MED24: variants seen among roughly 807,000 people sequenced by gnomAD.
The protein encoded by MED24 is mediator of RNA polymerase II transcription subunit 24.
MED24 carries 74 observed loss-of-function variants against 118.8 expected under a neutral mutation model. That is an observed-to-expected ratio of 0.62 (90% CI 0.52 to 0.76). The LOEUF is 0.76. Ranked by LOEUF, MED24 falls within the 30% of genes least tolerant of loss-of-function variation. The probability of loss-of-function intolerance (pLI) is 0.00; values close to 1 mark genes in which losing one functional copy is unlikely to be tolerated. For synonymous variants in MED24, 521 were observed against 523.9 expected, an observed-to-expected ratio of 0.99 and a Z score of 0.08; for missense variants, 1,041 against 1,278.9, an observed-to-expected ratio of 0.81 and a Z score of 2.84.
chr17:40,048,525 G>A (rs1222943268), intron 3 of MED24, among the ~76,000 whole-genome samples: 1 of 152,024 alleles, frequency 6.6e-6, no homozygotes, highest in Non-Finnish European at 1.5e-5. Context: ...ATCTATTCAA[G>A]GTGCAACAAA....
chr17:40,042,362 A>G (rs1203457911), intron 3 of MED24, among the ~76,000 whole-genome samples: 1 of 152,172 alleles, frequency 6.6e-6, no homozygotes. Flanking sequence ...ATAAAGCTCT[A>G]ATAAAGTTCT....
Position 40,031,485 on chromosome 17 carries a change from G to C in MED24, c.1067+53C>G, listed in dbSNP as rs909428080. 4.8e-5 allele frequency: 73 copies of C among 1,526,252 alleles called. No individual in the cohort carries two copies. In the East Asian group the frequency reaches 1.6e-3, roughly 32 times the overall value. The allele number at this position is 1,526,252 out of a possible 1,614,324, so 94.5% of individuals were successfully genotyped here. On this transcript the variant is annotated intron_variant, in intron 11 of 25. Transcript: ENST00000394128. ...GGCTTCTCTGGCACAGAGATCAGGG[G>C]AAGAGCCCAGAACGCCTTCCAGTAG...
chr17:40,024,115 C>T (rs562749054), intron 19 of MED24, among the ~76,000 whole-genome samples: 15 of 151,700 alleles, frequency 9.9e-5, no homozygotes, highest in African/African-American at 2.7e-4. Flanking sequence ...CTTGGTAGGG[C>T]GGGGGGGAAG....
intron 9 of MED24, 139 bp from the exon 10 acceptor site, chr17:40,032,229 T>C: frequency 2.0e-6 from 2 of 1,019,948 alleles, no homozygotes; most frequent in Non-Finnish European, 2.9e-6. Context: ...GCACACTTAG[T>C]GCTAAATGAG....
chr17:40,051,110 T>TGG (rs1389467617), intron 3 of MED24, among the ~76,000 whole-genome samples: 2 of 124,592 alleles, frequency 1.6e-5, no homozygotes, highest in African/African-American at 6.1e-5. Flanking sequence ...CACTCCAGCC[T>TGG]GGGCAACAAG....
intron 3 of MED24, among the ~76,000 whole-genome samples, chr17:40,047,309 C>A (rs1337892213): frequency 6.6e-6 from 1 of 152,218 alleles, no homozygotes; most frequent in East Asian, 1.9e-4. Context: ...TCTGAGAGAA[C>A]AGAAATGCTC....
At position 40,033,515 on chromosome 17, in the gene MED24, G is replaced by A; in HGVS notation, c.560-59C>T. On this transcript the variant is annotated intron_variant, in intron 6 of 25. Coordinates refer to ENST00000394128, the MANE Select transcript of MED24 (RefSeq NM_014815.4). This position sits in a 1 kb window ranked among gnomAD's most constrained non-coding sequence, Gnocchi z 5.2. ...GGAAACAGGAGAGAAGGAGCACCTG[G>A]CCCTGAACTCCTCGATTTTGGCACT... 2 of 1,421,476 alleles carry A rather than the reference G, an allele frequency of 1.4e-6. No homozygotes were observed. The highest frequency in any genetic ancestry group is 2.0e-5 in the Admixed American group (1 of 50,804). 88.1% of individuals were successfully genotyped at this position (1,421,476 alleles called of 1,614,324 possible). A position where few individuals can be genotyped will look rare whatever the true frequency, so the allele number is the denominator to read the frequency against.
rs138979778 is a variant in MED24, at chr17:40,019,829, G to A, written c.2809C>T (p.Gln937Ter). 1.2e-6 allele frequency: 2 copies of A among 1,602,088 alleles called. No homozygotes were observed. The highest frequency in any genetic ancestry group is 1.7e-6 in the Non-Finnish European group (2 of 1,174,034). Reference sequence around the variant, plus strand: ...TGCAGGACGCTGCCACGGCCACCCTGCTCCAGGCAGTCCACACACTCCTCC... The same window carrying A: ...TGCAGGACGCTGCCACGGCCACCCTACTCCAGGCAGTCCACACACTCCTCC... ...FMEECVDCLEQGGRGSVLQFM... is the reference protein window; with the variant it reads ...FMEECVDCLE Residue 937 changes from glutamine to a stop codon, truncating the protein, a stop_gained, in exon 25 of 26, where the codon CAG becomes TAG. Coordinates refer to ENST00000394128, the MANE Select transcript of MED24 (RefSeq NM_014815.4). LOFTEE classifies it high-confidence loss of function.
rs4795422 is a variant in MED24 at position 40,027,601 on chromosome 17, C to T, written c.1448-136G>A. On this transcript the variant is annotated intron_variant, in intron 15 of 25. Coordinates refer to ENST00000394128, the MANE Select transcript of MED24 (RefSeq NM_014815.4). ...CTTCAAAGCTCTGAGGCTCAGAATCCTTTTCTTGAGTCTCAACTGGAACAT... is the reference window on the plus strand; with the variant it reads ...CTTCAAAGCTCTGAGGCTCAGAATCTTTTTCTTGAGTCTCAACTGGAACAT... 1.0e-3 allele frequency: 839 copies of T among 827,720 alleles called. 4 individuals are homozygous for T. In the Admixed American group the frequency reaches 0.017, roughly 17 times the overall value. 51.3% of individuals were successfully genotyped at this position (827,720 alleles called of 1,614,324 possible). A position where few individuals can be genotyped will look rare whatever the true frequency, so the allele number is the denominator to read the frequency against.
chr17:40,027,223 G>T, intron 16 of MED24, 160 bp downstream of exon 16: 1 of 1,084,048 alleles, frequency 9.2e-7, no homozygotes. Flanking sequence ...ACATAGGGCT[G>T]AAGGTGCCTC....
In MED24 at chr17:40,019,347, G is replaced by A. The variant is rs1453954200; in HGVS notation, c.*182C>T. The A allele has an allele frequency of 1.7e-6, 1 of 602,300 alleles. No homozygotes were observed. Among genetic ancestry groups the A allele is most frequent in the East Asian group, 2.9e-5 (1 of 34,174 alleles). The allele number at this position is 602,300 out of a possible 1,614,324, so 37.3% of individuals were successfully genotyped here. A position where few individuals can be genotyped will look rare whatever the true frequency, so the allele number is the denominator to read the frequency against. ...AGCAGATGGAGAGGAAATTTTGAAA[G>A]AAGAAACCGGGAGACATCCTGGAGG... On this transcript the variant is annotated 3_prime_UTR_variant, in exon 26 of 26. Transcript: ENST00000394128.
chr17:40,020,004 G>T (rs1981760847), intron 24 of MED24, 71 bp from the exon 25 acceptor site: 1 of 1,503,454 alleles, frequency 6.7e-7, no homozygotes, highest in South Asian at 1.2e-5. Context: ...TCTGGGAGAA[G>T]GTGGGACTGA....
chr17:40,051,503 A>C (rs1985840798), intron 3 of MED24, among the ~76,000 whole-genome samples: 1 of 152,012 alleles, frequency 6.6e-6, no homozygotes, highest in Non-Finnish European at 1.5e-5. Flanking sequence ...AGTCCCAGCT[A>C]CTCAGGAGGC....
chr17:40,039,862 CA>C (rs1984360873), intron 3 of MED24, among the ~76,000 whole-genome samples: 1 of 150,494 alleles, frequency 6.6e-6, no homozygotes, highest in African/African-American at 2.4e-5. Context: ...CAGCTCACTG[CA>C]AGCTCTGCCT....
At chr17:40,020,971 G>A (rs1225600157) in intron 23 of MED24, among the ~76,000 whole-genome samples, 1 of 152,188 alleles carries the variant, frequency 6.6e-6, no homozygotes, top group Non-Finnish European at 1.5e-5. Context: ...GACTCAGGAG[G>A]CTGAGACAGG....
chr17:40,027,632 C>T, intron 15 of MED24, 167 bp from the exon 16 acceptor site: 1 of 713,982 alleles, frequency 1.4e-6, no homozygotes, highest in Non-Finnish European at 2.3e-6. Context: ...AACATCATCC[C>T]TTCCTTGAGA....
rs755327962 is a variant in MED24 at position 40,022,878 on chromosome 17, G to A, written c.2251-52C>T. 10 of 1,587,682 alleles carry A rather than the reference G, an allele frequency of 6.3e-6. No individual in the cohort carries two copies. The African/African-American group carries it at 9.4e-5, about 15-fold the overall frequency. Reference sequence around the variant, plus strand: ...AGGAGCCAGGGGCCCGGGATCTGGGGCTCCTACACCCTGCCACCCCAGCAT... The same window carrying A: ...AGGAGCCAGGGGCCCGGGATCTGGGACTCCTACACCCTGCCACCCCAGCAT... On this transcript the variant is annotated intron_variant, in intron 20 of 25. Transcript: ENST00000394128.
At chr17:40,024,262 G>A (rs1002705430) in intron 19 of MED24, among the ~76,000 whole-genome samples, 10 of 152,174 alleles carry the variant, frequency 6.6e-5, no homozygotes, top group African/African-American at 1.9e-4. Flanking sequence ...GGCCCGGTGC[G>A]GTGGCTCATG....
intron 23 of MED24, among the ~76,000 whole-genome samples, chr17:40,020,847 T>C (rs1224513766): frequency 1.3e-5 from 2 of 151,224 alleles, no homozygotes; most frequent in Non-Finnish European, 2.9e-5. Flanking sequence ...CCAAGGCGGG[T>C]GGATCATCTG....
Sources: allele counts gnomAD v4.1 joint callset (sites outside exome capture counted in the v4.1 genomes callset), GRCh38; gene constraint gnomAD v4.1.1; non-coding constraint Gnocchi (gnomAD v3.1); transcripts MANE v1.5; gene names NCBI Gene and HGNC (gene_info 2026-07-23, HGNC 2026-07-21).